Variants in TRIM44 observed in about 807,000 individuals in gnomAD.
TRIM44 encodes the protein tripartite motif containing 44.
In TRIM44, 13 loss-of-function variants were observed where a neutral mutation model predicts 37.4. The ratio of observed to expected loss-of-function variants is 0.35; its 90% CI spans 0.23 to 0.55. The LOEUF is 0.55. TRIM44 is among the 20% of genes least tolerant of loss of function. The probability of loss-of-function intolerance (pLI) is 0.89; values close to 1 mark genes in which losing one functional copy is unlikely to be tolerated. For synonymous variants in TRIM44, 175 were observed against 157.2 expected, an observed-to-expected ratio of 1.11 and a Z score of -0.85; for missense variants, 426 against 437.2, an observed-to-expected ratio of 0.97 and a Z score of 0.23.
At chr11:35,700,004 C>A (rs1167913019) in intron 2 of TRIM44, among the ~76,000 whole-genome samples, 2 of 152,080 alleles carry the variant, frequency 1.3e-5, no homozygotes, top group African/African-American at 4.8e-5. Flanking sequence ...GAATCAATAT[C>A]GTGAAAATGG....
rs1049179361 is a variant in TRIM44 at position 35,672,485 on chromosome 11, A to G, written c.669+8705A>G. Among the ~76,000 whole-genome samples the G allele has an allele frequency of 2.6e-5, 4 of 152,220 alleles. 1 individual carries two copies. Among genetic ancestry groups the G allele is most frequent in the Admixed American group, 1.3e-4 (2 of 15,278 alleles). On this transcript the variant is annotated intron_variant, in intron 1 of 4. Transcript: ENST00000299413. Reference sequence around the variant, plus strand: ...GTGGTTGGCAGAATTCAGTAAATATATAGCATTTGTGGAGTTCTTAACATG... The same window carrying G: ...GTGGTTGGCAGAATTCAGTAAATATGTAGCATTTGTGGAGTTCTTAACATG...
At chr11:35,696,398 T>G (rs989396331) in intron 2 of TRIM44, among the ~76,000 whole-genome samples, 3 of 150,902 alleles carry the variant, frequency 2.0e-5, no homozygotes, top group Admixed American at 1.3e-4. Flanking sequence ...TGTCTCGGCC[T>G]CCCAAAGTGC....
In TRIM44 at chr11:35,663,408, T is replaced by C. The variant is rs534573468; in HGVS notation, c.297T>C (p.Ser99=). The C allele has an allele frequency of 8.2e-6, 13 of 1,584,918 alleles. No homozygotes were observed. Among genetic ancestry groups the C allele is most frequent in the Admixed American group, 5.4e-5 (3 of 55,336 alleles). ...TAGAAAGCGAGGCAGGGGAAGAGAGTGAGTCGGAGGAAGAGAGCGAGTCAG... is the reference window on the plus strand; with the variant it reads ...TAGAAAGCGAGGCAGGGGAAGAGAGCGAGTCGGAGGAAGAGAGCGAGTCAG... ...REIESEAGEE[S]ESEEESESEE... The change falls in exon 1 of 5, where the codon AGT becomes AGC. Residue 99 remains serine, a synonymous_variant. Transcript: ENST00000299413.
In TRIM44 at chr11:35,812,009, A is replaced by G. The variant is rs1252751303; in HGVS notation, c.*5624A>G. The G allele has an allele frequency of 6.6e-6, 1 of 152,148 alleles. No individual in the cohort carries two copies. Among genetic ancestry groups the G allele is most frequent in the East Asian group, 1.9e-4 (1 of 5,168 alleles). The allele number at this position is 152,148 out of a possible 1,614,324, so 9.4% of individuals were successfully genotyped here. On this transcript the variant is annotated 3_prime_UTR_variant, in exon 5 of 5. Transcript: ENST00000299413. ...GCCTGGTGGGGTGGCACTGCCTGCC[A>G]CTGTAGCACTTAGGAGTCTTCAGTG... is the stretch of plus-strand genomic sequence containing the variant.
At chr11:35,731,170 A>T (rs1274851749) in intron 3 of TRIM44, among the ~76,000 whole-genome samples, 2 of 152,176 alleles carry the variant, frequency 1.3e-5, no homozygotes, top group Non-Finnish European at 2.9e-5. Context: ...TGCCTTGTTC[A>T]TAATCTTAGA....
intron 4 of TRIM44, among the ~76,000 whole-genome samples, chr11:35,769,044 A>G (rs1242787958): frequency 6.6e-6 from 1 of 152,218 alleles, no homozygotes. Context: ...GTGGATCCAC[A>G]TTTGTCCATG....
intron 4 of TRIM44, among the ~76,000 whole-genome samples, chr11:35,803,669 G>A (rs969577198): frequency 7.2e-5 from 11 of 152,122 alleles, no homozygotes; most frequent in African/African-American, 1.9e-4. Context: ...TACAGTGAGC[G>A]AAGATCGCAC....
intron 4 of TRIM44, among the ~76,000 whole-genome samples, chr11:35,755,352 GT>G (rs1368054867): frequency 7.2e-6 from 1 of 139,494 alleles, no homozygotes; most frequent in Non-Finnish European, 1.7e-5. Context: ...TAATGGGGTT[GT>G]TTGTTTTTTT....
chr11:35,720,620 C>G (rs910878341), intron 2 of TRIM44, among the ~76,000 whole-genome samples: 17 of 152,124 alleles, frequency 1.1e-4, no homozygotes, highest in African/African-American at 4.1e-4. Context: ...TGTTCCTCAT[C>G]TTAGCGGGAA....
rs560671010 is a variant in TRIM44 at position 35,793,279 on chromosome 11, C to CTT, written c.1008-13077_1008-13076dup. On this transcript the variant is annotated intron_variant, in intron 4 of 4. Transcript: ENST00000299413. ...ATGGCTCACACGTGTAATCCCAGCA[C>CTT]TTTGGGAGGCTGGGGCAGCCGGATC... Among the ~76,000 whole-genome samples, 39 of 152,114 alleles carry CTT rather than the reference C, an allele frequency of 2.6e-4. No individual in the cohort carries two copies. The South Asian group carries it at 7.7e-3, about 30-fold the overall frequency.
In TRIM44 at chr11:35,777,026, C is replaced by T. The variant is rs1276201124; in HGVS notation, c.1008-29332C>T. 4.6e-5 allele frequency among the ~76,000 whole-genome samples: 7 copies of T among 152,248 alleles called. No individual in the cohort carries two copies. In the East Asian group the frequency reaches 5.8e-4, roughly 13 times the overall value. ...GGATATCCTTGTTAACCTTCTGTCT[C>T]GTTGATCTGTCTAATGTTGACAGTG... On this transcript the variant is annotated intron_variant, in intron 4 of 4. Transcript: ENST00000299413.
At chr11:35,685,659 A>T (rs1851566676) in intron 2 of TRIM44, among the ~76,000 whole-genome samples, 1 of 152,046 alleles carries the variant, frequency 6.6e-6, no homozygotes. Context: ...TCTGAGAGAA[A>T]TACAGATCAT....
chr11:35,793,789 A>G (rs1249530117), intron 4 of TRIM44, among the ~76,000 whole-genome samples: 3 of 152,094 alleles, frequency 2.0e-5, no homozygotes, highest in African/African-American at 7.2e-5. Context: ...GAGCCAGGCC[A>G]TGGTAGTTTC....
chr11:35,708,811 A>C (rs980973209), intron 2 of TRIM44, among the ~76,000 whole-genome samples: 1 of 152,096 alleles, frequency 6.6e-6, no homozygotes, highest in Non-Finnish European at 1.5e-5. Flanking sequence ...ACCTAATGCT[A>C]AATGACTAGT....
chr11:35,751,949 C>T (rs1852563829), intron 4 of TRIM44, among the ~76,000 whole-genome samples: 1 of 152,120 alleles, frequency 6.6e-6, no homozygotes, highest in African/African-American at 2.4e-5. Context: ...TCCAAGTTTG[C>T]CCAGCTAAAA....
At position 35,663,678 on chromosome 11, in the gene TRIM44, T is replaced by C. The variant is rs775265199; in HGVS notation, c.567T>C (p.Tyr189=). 8 of 1,614,132 alleles carry C rather than the reference T, an allele frequency of 5.0e-6. No homozygotes were observed. Among genetic ancestry groups the C allele is most frequent in the Non-Finnish European group, 6.8e-6 (8 of 1,180,030 alleles). ...ACCATGGGCTTGATTTGAGTACCTA[T>C]TGCCAGGAAGATAGGCAGCTCATCT... The part of the protein sequence containing the change: ...CPDHGLDLST[Y]CQEDRQLICV... The change falls in exon 1 of 5, where the codon TAT becomes TAC. Residue 189 remains tyrosine, a synonymous_variant. Coordinates refer to ENST00000299413, the MANE Select transcript of TRIM44 (RefSeq NM_017583.6).
intron 4 of TRIM44, among the ~76,000 whole-genome samples, chr11:35,781,116 C>A (rs1320468202): frequency 1.3e-5 from 2 of 152,056 alleles, no homozygotes; most frequent in African/African-American, 4.8e-5. Context: ...GTTCAAAGGG[C>A]CAAGGAGGTC....
chr11:35,735,691 TAAG>T (rs1376945502), intron 4 of TRIM44, among the ~76,000 whole-genome samples: 2 of 152,342 alleles, frequency 1.3e-5, no homozygotes, highest in East Asian at 3.9e-4. Context: ...AATACCTTGT[TAAG>T]AAGAATAGGC....
rs191982822 is a variant in TRIM44 at position 35,757,288 on chromosome 11, G to A, written c.1007+21843G>A. Among the ~76,000 whole-genome samples, 306 of 152,278 alleles carry A rather than the reference G, an allele frequency of 2.0e-3. 2 individuals are homozygous for A. Among genetic ancestry groups the A allele is most frequent in the African/African-American group, 6.7e-3 (277 of 41,548 alleles). On this transcript the variant is annotated intron_variant, in intron 4 of 4. Transcript: ENST00000299413. ...CTTCTAGATTTTCTAATTTATTTGC[G>A]TAGAGGTGTTTATAGTATTCTCTGA...
Sources: allele counts gnomAD v4.1 joint callset (sites outside exome capture counted in the v4.1 genomes callset), GRCh38; gene constraint gnomAD v4.1.1; transcripts MANE v1.5; gene names NCBI Gene and HGNC (gene_info 2026-07-23, HGNC 2026-07-21).